SOBP: variants seen among roughly 807,000 people sequenced by gnomAD.
SOBP encodes the protein sine oculis-binding protein homolog.
SOBP carries 4 observed loss-of-function variants against 53.6 expected under a neutral mutation model. That is an observed-to-expected ratio of 0.07 (90% CI 0.04 to 0.17). The LOEUF is 0.17. Among genes scored for constraint, SOBP ranks in the 10% least tolerant of loss-of-function variants. The pLI is 1.00. For synonymous variants in SOBP, 584 were observed against 522.6 expected, an observed-to-expected ratio of 1.12 and a Z score of -1.60; for missense variants, 1,088 against 1,204.7, an observed-to-expected ratio of 0.90 and a Z score of 1.43.
At position 107,634,614 on chromosome 6, in the gene SOBP, C is replaced by G. The variant is rs939445785; in HGVS notation, c.1770C>G (p.Gly590=). 3 of 1,597,128 alleles carry G rather than the reference C, an allele frequency of 1.9e-6. No homozygotes were observed. The highest frequency in any genetic ancestry group is 2.5e-6 in the Non-Finnish European group (3 of 1,177,796). Residue 590 remains glycine (G), a synonymous_variant, in exon 6 of 7, where the codon GGC becomes GGG. Coordinates refer to ENST00000317357, the MANE Select transcript of SOBP (RefSeq NM_018013.4). This position sits in a 1 kb window ranked among gnomAD's most constrained non-coding sequence, Gnocchi z 4.5. The part of the protein sequence containing the change: ...HSLSPRDSKQ[G]SSKSADSPPG... ...TGTCCCCCCGGGACTCCAAGCAGGG[C>G]TCGTCCAAGTCCGCGGACTCGCCCC...
chr6:107,565,657 G>A (rs1233992575), intron 4 of SOBP, among the ~76,000 whole-genome samples: 1 of 152,152 alleles, frequency 6.6e-6, no homozygotes, highest in African/African-American at 2.4e-5. Context: ...AGAGTGCTAG[G>A]GAGTAACAAG....
intron 5 of SOBP, 110 bp from the exon 6 acceptor site, chr6:107,633,404 T>G: frequency 2.2e-6 from 3 of 1,339,618 alleles, no homozygotes; most frequent in Non-Finnish European, 3.2e-6. Flanking sequence ...TCTGCCTGTT[T>G]GAGAAGTGCT....
chr6:107,606,705 G>A (rs953959008), intron 5 of SOBP, among the ~76,000 whole-genome samples: 20 of 152,224 alleles, frequency 1.3e-4, no homozygotes, highest in East Asian at 9.6e-4. Context: ...GGGATAGGGC[G>A]GCAGCGCCCT....
chr6:107,607,029 G>A (rs961632021), intron 5 of SOBP, among the ~76,000 whole-genome samples: 1 of 152,184 alleles, frequency 6.6e-6, no homozygotes, highest in Non-Finnish European at 1.5e-5. Context: ...GGTGTGTGTG[G>A]CAAAGCACTG....
intron 5 of SOBP, among the ~76,000 whole-genome samples, chr6:107,606,233 C>A (rs1037157248): frequency 1.3e-5 from 2 of 151,932 alleles, no homozygotes; most frequent in African/African-American, 4.8e-5. Context: ...CACACCATCA[C>A]GCCCAGCTAA....
chr6:107,656,302 A>AGAAAG (rs1350332233), intron 6 of SOBP, among the ~76,000 whole-genome samples: 1 of 13,866 alleles, frequency 7.2e-5, no homozygotes. Context: ...AAAGAAAGAA[A>AGAAAG]GAAAGAAAGA....
intron 1 of SOBP, among the ~76,000 whole-genome samples, chr6:107,493,609 T>A (rs1758553037): frequency 6.6e-6 from 1 of 152,178 alleles, no homozygotes; most frequent in South Asian, 2.1e-4. Flanking sequence ...GAAAAAGGAC[T>A]GGTGTGTATG....
intron 5 of SOBP, among the ~76,000 whole-genome samples, chr6:107,630,750 G>GTC (rs60388300): frequency 0.096 from 14,301 of 148,458 alleles, 747 homozygotes; most frequent in Admixed American, 0.16. Flanking sequence ...CACACACTCT[G>GTC]TCTCTCTCTC....
At chr6:107,528,713 G>A (rs1054031292) in intron 3 of SOBP, among the ~76,000 whole-genome samples, 6 of 152,206 alleles carry the variant, frequency 3.9e-5, no homozygotes, top group Admixed American at 6.5e-5. Context: ...GCAATGTGCT[G>A]TGTAAGTTGC....
chr6:107,529,226 A>G (rs1783751320), intron 3 of SOBP, among the ~76,000 whole-genome samples: 1 of 152,242 alleles, frequency 6.6e-6, no homozygotes, highest in Non-Finnish European at 1.5e-5. Flanking sequence ...TTTTTGCAGA[A>G]GTTATAAAGA....
chr6:107,634,350 G>A lies in SOBP; in HGVS notation c.1506G>A (p.Pro502=). The A allele has an allele frequency of 1.3e-6, 2 of 1,590,608 alleles. No individual in the cohort carries two copies. The highest frequency in any genetic ancestry group is 1.7e-6 in the Non-Finnish European group (2 of 1,175,452). ...PVSMMPNGPM[P]VPQMMNFGLP... is the part of the protein sequence containing the mutation. ...GCATGATGCCAAATGGCCCGATGCCGGTGCCCCAGATGATGAATTTCGGGC... is the reference window on the plus strand; with the variant it reads ...GCATGATGCCAAATGGCCCGATGCCAGTGCCCCAGATGATGAATTTCGGGC... Residue 502 remains proline, a synonymous_variant, in exon 6 of 7, where the codon CCG becomes CCA. Transcript: ENST00000317357. This position sits in a 1 kb window ranked among gnomAD's most constrained non-coding sequence, Gnocchi z 4.5.
At chr6:107,523,612 C>T (rs1281507321) in intron 3 of SOBP, among the ~76,000 whole-genome samples, 1 of 152,154 alleles carries the variant, frequency 6.6e-6, no homozygotes, top group East Asian at 1.9e-4. Flanking sequence ...TGTCAATTTG[C>T]CTCCCCTAGG....
chr6:107,623,808 A>G (rs552781721), intron 5 of SOBP, among the ~76,000 whole-genome samples: 42 of 152,352 alleles, frequency 2.8e-4, no homozygotes, highest in Admixed American at 1.7e-3. Flanking sequence ...TCGGTTGACC[A>G]GAAACTCAGA....
rs776665670 is a variant in SOBP, at chr6:107,634,181, C to T, written c.1337C>T (p.Pro446Leu). ...PPPGGPRNLG[P>L]TSSPMHRPML... ...CCCGGTGGCCCCAGAAACCTGGGCCCCACTTCCAGCCCCATGCACCGGCCC... is the reference window on the plus strand; with the variant it reads ...CCCGGTGGCCCCAGAAACCTGGGCCTCACTTCCAGCCCCATGCACCGGCCC... Residue 446 changes from proline (P) to leucine (L), a missense_variant, in exon 6 of 7, where the codon CCC (proline) becomes CTC (leucine). Physicochemically the swap from Pro to Leu is moderately conservative, Grantham distance 98. Transcript: ENST00000317357. This position sits in a 1 kb window ranked among gnomAD's most constrained non-coding sequence, Gnocchi z 4.5. 1.9e-6 allele frequency: 3 copies of T among 1,608,618 alleles called. No individual in the cohort carries two copies. The highest frequency in any genetic ancestry group is 2.2e-5 in the South Asian group (2 of 91,024).
chr6:107,592,809 G>T (rs1462644566), intron 5 of SOBP, among the ~76,000 whole-genome samples: 1 of 152,274 alleles, frequency 6.6e-6, no homozygotes, highest in East Asian at 1.9e-4. Context: ...CCATCTCCCA[G>T]ATCCCTTTAG....
Position 107,586,857 on chromosome 6 carries a change from T to C in SOBP, c.574-223T>C, listed in dbSNP as rs143092234. ...TTGGTTTGCTTGATATTGTTTTAAA[T>C]ATTACACCACAATGAATTTGCATGT... is the stretch of plus-strand genomic sequence containing the variant. On this transcript the variant is annotated intron_variant, in intron 4 of 6. Coordinates refer to ENST00000317357, the MANE Select transcript of SOBP (RefSeq NM_018013.4). Among the ~76,000 whole-genome samples the C allele has an allele frequency of 2.0e-3, 302 of 152,316 alleles. 2 individuals carry two copies. Among genetic ancestry groups the C allele is most frequent in the African/African-American group, 6.9e-3 (287 of 41,566 alleles).
At chr6:107,529,672 G>T (rs1370017357) in intron 3 of SOBP, 3 of 956,186 alleles carry the variant, frequency 3.1e-6, no homozygotes, top group African/African-American at 1.8e-5. Flanking sequence ...CTGACCAATG[G>T]CCATCCTTAT....
chr6:107,547,077 C>T (rs1025597003), intron 4 of SOBP, among the ~76,000 whole-genome samples: 1 of 152,226 alleles, frequency 6.6e-6, no homozygotes, highest in Non-Finnish European at 1.5e-5. Context: ...GTAGCATTCA[C>T]TACTTTCTCT....
rs533473490 is a variant in SOBP, at chr6:107,490,572, G to A, written c.-45G>A. ...CGCCGCCGCCACCACCACCGCCGGC[G>A]GCGGCAGCAGCCATTTCATCTCCAC... On this transcript the variant is annotated 5_prime_UTR_variant, in exon 1 of 7. Coordinates refer to ENST00000317357, the MANE Select transcript of SOBP (RefSeq NM_018013.4). 6.8e-7 allele frequency: 1 copy of A among 1,463,244 alleles called. No individual in the cohort carries two copies. The highest frequency in any genetic ancestry group is 1.2e-5 in the South Asian group (1 of 83,596). 90.6% of individuals were successfully genotyped at this position (1,463,244 alleles called of 1,614,324 possible). A position where few individuals can be genotyped will look rare whatever the true frequency, so the allele number is the denominator to read the frequency against.
Sources: gnomAD v4.1 joint callset for allele counts (sites outside exome capture counted in the v4.1 genomes callset) on GRCh38, gnomAD v4.1.1 for gene constraint, Gnocchi (gnomAD v3.1) non-coding constraint, MANE v1.5 for transcripts, NCBI Gene and HGNC (gene_info 2026-07-23, HGNC 2026-07-21) for gene names.